Variants in EYA2 observed in about 807,000 individuals in gnomAD.
The protein encoded by EYA2 is protein phosphatase EYA2.
Under a neutral mutation model 69.2 loss-of-function variants are expected in EYA2, and 31 were observed. The observed-to-expected ratio is 0.45, with a 90% CI of 0.34 to 0.60. EYA2 has a LOEUF of 0.60. Ranked by LOEUF, EYA2 falls within the 20% of genes least tolerant of loss-of-function variation. EYA2 has a pLI of 0.02. For synonymous variants in EYA2, 257 were observed against 279.4 expected, an observed-to-expected ratio of 0.92 and a Z score of 0.80; for missense variants, 622 against 701.2, an observed-to-expected ratio of 0.89 and a Z score of 1.28.
Position 47,089,326 on chromosome 20 carries a change from G to A in EYA2, c.749G>A (p.Arg250Gln), listed in dbSNP as rs377025058. 28 of 1,614,212 alleles carry A rather than the reference G, an allele frequency of 1.7e-5. No homozygotes were observed. Among genetic ancestry groups the A allele is most frequent in the Middle Eastern group, 1.6e-4 (1 of 6,062 alleles). Residue 250 changes from arginine (R) to glutamine (Q), a missense_variant, in exon 8 of 16, where the codon CGA becomes CAA. This residue lies in a region of EYA2 where 365 missense variants were observed against 349.7 expected (regional missense o/e 1.04). Transcript: ENST00000327619. ...RPHRASDGKL[R>Q]GRSKRSSDPS... ...CACCGGGCCTCCGACGGGAAGCTCC[G>A]AGGCCGGTCTAAGAGGAGCAGTGAC...
chr20:47,186,100 T>G (rs982618648), intron 15 of EYA2, among the ~76,000 whole-genome samples: 3 of 152,154 alleles, frequency 2.0e-5, no homozygotes, highest in Non-Finnish European at 4.4e-5. Context: ...CACACAAAGC[T>G]GCTTTCTACC....
At chr20:47,058,054 A>C (rs2030717556) in intron 5 of EYA2, among the ~76,000 whole-genome samples, 1 of 152,246 alleles carries the variant, frequency 6.6e-6, no homozygotes, top group East Asian at 1.9e-4. Context: ...CCAGCTGCTA[A>C]TGCCAACAAC....
intron 5 of EYA2, among the ~76,000 whole-genome samples, chr20:47,035,384 C>A (rs1000152220): frequency 6.6e-6 from 1 of 152,122 alleles, no homozygotes; most frequent in Non-Finnish European, 1.5e-5. Flanking sequence ...TCCCAGCCAC[C>A]CCCTCCCATA....
chr20:47,045,597 G>A (rs2029990314), intron 5 of EYA2, among the ~76,000 whole-genome samples: 1 of 152,174 alleles, frequency 6.6e-6, no homozygotes, highest in African/African-American at 2.4e-5. Context: ...TGCTTCCATG[G>A]ATTTGTTACC....
At chr20:47,016,494 C>T (rs574450476) in intron 5 of EYA2, among the ~76,000 whole-genome samples, 197 bp downstream of exon 5, 97 of 152,186 alleles carry the variant, frequency 6.4e-4, no homozygotes, top group Non-Finnish European at 1.0e-3. Context: ...ACGATAAAGT[C>T]GGCAAATAAG....
At chr20:46,995,515 G>T (rs950138320) in intron 2 of EYA2, among the ~76,000 whole-genome samples, 1 of 152,138 alleles carries the variant, frequency 6.6e-6, no homozygotes, top group Non-Finnish European at 1.5e-5. Flanking sequence ...GCCTAGTGTG[G>T]TGTCTTTCCA....
At chr20:47,027,756 G>A (rs1162143306) in intron 5 of EYA2, among the ~76,000 whole-genome samples, 2 of 152,198 alleles carry the variant, frequency 1.3e-5, no homozygotes, top group Non-Finnish European at 2.9e-5. Flanking sequence ...CCTCTGAGTG[G>A]CTGTGCAACG....
intron 10 of EYA2, 112 bp from the exon 11 acceptor site, chr20:47,169,027 C>T: frequency 1.1e-6 from 1 of 917,112 alleles, no homozygotes; most frequent in Admixed American, 1.7e-5. Context: ...CTGATGACTC[C>T]CAGTGCAGTG....
At chr20:47,134,642 A>ATATC (rs1377559665) in intron 9 of EYA2, among the ~76,000 whole-genome samples, 1 of 152,164 alleles carries the variant, frequency 6.6e-6, no homozygotes, top group East Asian at 1.9e-4. Flanking sequence ...TGTGTATGAT[A>ATATC]GATTCTGATA....
intron 9 of EYA2, among the ~76,000 whole-genome samples, chr20:47,134,502 C>T (rs1398724511): frequency 6.6e-6 from 1 of 152,106 alleles, no homozygotes; most frequent in Non-Finnish European, 1.5e-5. Context: ...CTTAAACAGT[C>T]ATTAATTTAT....
At chr20:47,166,101 A>G (rs1403775518) in intron 10 of EYA2, among the ~76,000 whole-genome samples, 1 of 151,902 alleles carries the variant, frequency 6.6e-6, no homozygotes, top group East Asian at 1.9e-4. Flanking sequence ...ATTCTCAAAG[A>G]TAAATTCAAG....
Position 47,033,112 on chromosome 20 carries a change from A to G in EYA2, c.415+16815A>G, listed in dbSNP as rs536241863. ...ACCCCCAAGACCATAGCTCAGGGCC[A>G]TCCCAGCTGCTGCTGCAGGTGAGCC... On this transcript the variant is annotated intron_variant, in intron 5 of 15. Transcript: ENST00000327619. 3.9e-5 allele frequency among the ~76,000 whole-genome samples: 6 copies of G among 152,290 alleles called. No individual in the cohort carries two copies. The South Asian group carries it at 8.3e-4, about 21-fold the overall frequency.
Position 47,072,195 on chromosome 20 carries a change from G to T in EYA2, c.426G>T (p.Gly142=), listed in dbSNP as rs566535797. Reference sequence around the variant, plus strand: ...TCCTCCTTCCCACAGGCACAACAGGGTTCTATCAAGGAGGAAATGGACTGG... The same window carrying T: ...TCCTCCTTCCCACAGGCACAACAGGTTTCTATCAAGGAGGAAATGGACTGG... ...PYTYQMHGTT[G]FYQGGNGLGN... The change falls in exon 6 of 16, where the codon GGG becomes GGT. Residue 142 remains glycine, a synonymous_variant. Transcript: ENST00000327619. 1.2e-6 allele frequency: 2 copies of T among 1,612,856 alleles called. No homozygotes were observed. Among genetic ancestry groups the T allele is most frequent in the South Asian group, 2.2e-5 (2 of 90,754 alleles).
At chr20:46,953,812 C>G (rs1379493950) in intron 1 of EYA2, among the ~76,000 whole-genome samples, 2 of 152,146 alleles carry the variant, frequency 1.3e-5, no homozygotes, top group African/African-American at 2.4e-5. Flanking sequence ...TTCCAACTTT[C>G]CTTGAATAGG....
chr20:47,112,452 T>G (rs1215964821), intron 9 of EYA2, among the ~76,000 whole-genome samples: 1 of 152,192 alleles, frequency 6.6e-6, no homozygotes, highest in African/African-American at 2.4e-5. Flanking sequence ...AAATTAAAAC[T>G]ATTAAAAATT....
intron 9 of EYA2, among the ~76,000 whole-genome samples, chr20:47,120,417 AT>A (rs2033015318): frequency 6.6e-6 from 1 of 152,126 alleles, no homozygotes; most frequent in African/African-American, 2.4e-5. Flanking sequence ...TTTTACCTAA[AT>A]TTTTTAAAAA....
chr20:47,070,222 A>G (rs2031264944), intron 5 of EYA2, among the ~76,000 whole-genome samples: 1 of 152,234 alleles, frequency 6.6e-6, no homozygotes, highest in Non-Finnish European at 1.5e-5. Context: ...AGATTTGACT[A>G]GGGTTTGATG....
intron 1 of EYA2, among the ~76,000 whole-genome samples, chr20:46,968,311 G>A (rs997906559): frequency 2.6e-5 from 4 of 152,204 alleles, no homozygotes; most frequent in Non-Finnish European, 5.9e-5. Flanking sequence ...CATGCATTGT[G>A]TGGGATGAAC....
intron 1 of EYA2, among the ~76,000 whole-genome samples, chr20:46,918,807 C>T (rs1270050092): frequency 6.6e-6 from 1 of 152,224 alleles, no homozygotes; most frequent in African/African-American, 2.4e-5. Context: ...TTGCCCAAAT[C>T]TATCAGAGGA....
Sources: allele counts gnomAD v4.1 joint callset (sites outside exome capture counted in the v4.1 genomes callset), GRCh38; gene constraint gnomAD v4.1.1; regional missense constraint gnomAD v4.1.1; transcripts MANE v1.5; gene names NCBI Gene and HGNC (gene_info 2026-07-23, HGNC 2026-07-21).